The following CLMN variants were observed in gnomAD, a reference collection of about 807,000 sequenced individuals.
CLMN encodes the protein calmin (calponin-like, transmembrane).
A neutral mutation model predicts 92.7 loss-of-function variants in CLMN; 57 were observed. That is an observed-to-expected ratio of 0.61 (90% CI 0.50 to 0.77). The LOEUF is 0.77. Ranked by LOEUF, CLMN falls within the 30% of genes least tolerant of loss-of-function variation. The probability of loss-of-function intolerance (pLI) is 0.00; values close to 1 mark genes in which losing one functional copy is unlikely to be tolerated. For synonymous variants in CLMN, 466 were observed against 470.6 expected, an observed-to-expected ratio of 0.99 and a Z score of 0.13; for missense variants, 1,158 against 1,237.5, an observed-to-expected ratio of 0.94 and a Z score of 0.96.
intron 2 of CLMN, among the ~76,000 whole-genome samples, chr14:95,224,838 G>A (rs1042502074): frequency 1.3e-5 from 2 of 152,138 alleles, no homozygotes; most frequent in Non-Finnish European, 2.9e-5. Context: ...TGAGGTGCCC[G>A]TCATTGCTTC....
At chr14:95,242,172 G>A (rs1898268036) in intron 1 of CLMN, among the ~76,000 whole-genome samples, 1 of 151,396 alleles carries the variant, frequency 6.6e-6, no homozygotes, top group African/African-American at 2.4e-5. Context: ...AAATTGAGGT[G>A]CCTGGGTCCC....
chr14:95,271,813 T>G (rs1899721485), intron 1 of CLMN, among the ~76,000 whole-genome samples: 1 of 152,250 alleles, frequency 6.6e-6, no homozygotes, highest in Non-Finnish European at 1.5e-5. Context: ...CTTTCCAGTC[T>G]GTCTCCACTC....
chr14:95,243,719 A>ATTTTTTTTTTTT (rs35698997), intron 1 of CLMN, among the ~76,000 whole-genome samples: 1 of 139,484 alleles, frequency 7.2e-6, no homozygotes, highest in African/African-American at 2.7e-5. Context: ...AATCTCCTCT[A>ATTTTTTTTTTTT]TTTTTTTTTT....
intron 1 of CLMN, among the ~76,000 whole-genome samples, chr14:95,255,222 T>C (rs534439748): frequency 3.3e-5 from 5 of 152,278 alleles, no homozygotes; most frequent in Non-Finnish European, 1.5e-5. Flanking sequence ...TCCAGCACTA[T>C]AGGAAAATAC....
intron 1 of CLMN, among the ~76,000 whole-genome samples, chr14:95,311,189 T>C (rs1901521099): frequency 6.6e-6 from 1 of 152,076 alleles, no homozygotes; most frequent in Admixed American, 6.5e-5. Flanking sequence ...CACCACCAGA[T>C]TGGCAGGTCA....
At position 95,187,302 on chromosome 14, in the gene CLMN, T is replaced by A. The variant is rs1236241247; in HGVS notation, c.*4262A>T. 2 of 152,240 alleles carry A rather than the reference T, an allele frequency of 1.3e-5. No individual in the cohort carries two copies. The allele number at this position is 152,240 out of a possible 1,614,324, so 9.4% of individuals were successfully genotyped here. A position where few individuals can be genotyped will look rare whatever the true frequency, so the allele number is the denominator to read the frequency against. On this transcript the variant is annotated 3_prime_UTR_variant, in exon 13 of 13. Transcript: ENST00000298912. ...AATAGGAGCAGAGGAATGAAAGTTA[T>A]ATTAATACAACCATGAACACAGAAT...
chr14:95,292,625 C>T (rs143808978), intron 1 of CLMN, among the ~76,000 whole-genome samples: 2 of 152,136 alleles, frequency 1.3e-5, no homozygotes, highest in Admixed American at 6.5e-5. Flanking sequence ...TCACGGGGAC[C>T]GACGGTACCC....
intron 10 of CLMN, among the ~76,000 whole-genome samples, chr14:95,195,534 A>G (rs1463457194): frequency 1.3e-5 from 2 of 152,170 alleles, no homozygotes; most frequent in Non-Finnish European, 2.9e-5. Context: ...CCCTCCCCAA[A>G]TGCATACCTC....
intron 1 of CLMN, among the ~76,000 whole-genome samples, chr14:95,242,020 G>A (rs115901356): frequency 0.021 from 3,178 of 152,100 alleles, 91 homozygotes; most frequent in African/African-American, 0.058. Flanking sequence ...CATTGAGGTC[G>A]AAGTTGGATC....
In CLMN at chr14:95,255,946, T is replaced by G. The variant is rs545862911; in HGVS notation, c.83-25813A>C. Among the ~76,000 whole-genome samples the G allele has an allele frequency of 8.5e-5, 13 of 152,354 alleles. No homozygotes were observed. In the East Asian group the frequency reaches 2.1e-3, roughly 25 times the overall value. On this transcript the variant is annotated intron_variant, in intron 1 of 12. Transcript: ENST00000298912. ...CATGTTATAGCAGAACTGACAGTAC[T>G]AGTATAAGCTCTTTGCCTAAATTAA...
chr14:95,316,490 G>A (rs1477305001), intron 1 of CLMN, among the ~76,000 whole-genome samples: 1 of 152,202 alleles, frequency 6.6e-6, no homozygotes, highest in Non-Finnish European at 1.5e-5. Context: ...TCTTGGGAGG[G>A]GCCATCACTC....
At position 95,299,672 on chromosome 14, in the gene CLMN, A is replaced by G. The variant is rs1011589793; in HGVS notation, c.82+20039T>C. Among the ~76,000 whole-genome samples, 7 of 152,320 alleles carry G rather than the reference A, an allele frequency of 4.6e-5. 1 individual carries two copies. The East Asian group carries it at 1.4e-3, about 29-fold the overall frequency. On this transcript the variant is annotated intron_variant, in intron 1 of 12. Coordinates refer to ENST00000298912, the MANE Select transcript of CLMN (RefSeq NM_024734.4). ...AGAGGCAGAGCCAAGATTCGAGTCC[A>G]GGCTGTGGGCTCTAAGCTGTGTGAT...
In CLMN at chr14:95,259,189, C is replaced by T. The variant is rs1899151918; in HGVS notation, c.83-29056G>A. On this transcript the variant is annotated intron_variant, in intron 1 of 12. Transcript: ENST00000298912. This position sits in a 1 kb window ranked among gnomAD's most constrained non-coding sequence, Gnocchi z 4.3. ...TGGCAGGCTGGAGCGGAGAGCTGTG[C>T]CGGCCAGCAGGGCTAGGAAAGCAGT... is the stretch of plus-strand genomic sequence containing the variant. Among the ~76,000 whole-genome samples, 1 of 151,994 alleles carries T rather than the reference C, an allele frequency of 6.6e-6. No individual in the cohort carries two copies. Among genetic ancestry groups the T allele is most frequent in the African/African-American group, 2.4e-5 (1 of 41,344 alleles).
At chr14:95,272,966 T>C (rs1197872515) in intron 1 of CLMN, among the ~76,000 whole-genome samples, 1 of 152,230 alleles carries the variant, frequency 6.6e-6, no homozygotes, top group African/African-American at 2.4e-5. Context: ...AGCCAGCCGC[T>C]TTCCCTTCCC....
At position 95,189,254 on chromosome 14, in the gene CLMN, A is replaced by G. The variant is rs905157012; in HGVS notation, c.*2310T>C. On this transcript the variant is annotated 3_prime_UTR_variant, in exon 13 of 13. Coordinates refer to ENST00000298912, the MANE Select transcript of CLMN (RefSeq NM_024734.4). ...TTAAAAAATAAAGTGTAAGCACGTT[A>G]TGTAGAAATGCAAACATAAGAGAGT... 1 of 152,274 alleles carries G rather than the reference A, an allele frequency of 6.6e-6. No individual in the cohort carries two copies. Among genetic ancestry groups the G allele is most frequent in the African/African-American group, 2.4e-5 (1 of 41,476 alleles). 9.4% of individuals were successfully genotyped at this position (152,274 alleles called of 1,614,324 possible).
rs1020164129 is a variant in CLMN at position 95,203,504 on chromosome 14, T to C, written c.1845A>G (p.Lys615=). The change falls in exon 9 of 13, where the codon AAA becomes AAG. Residue 615 remains lysine (K), a synonymous_variant. Coordinates refer to ENST00000298912, the MANE Select transcript of CLMN (RefSeq NM_024734.4). ...LGKRSIKSAH[K]KKDSPEPQVK... is the part of the protein sequence containing the mutation. The stretch of plus-strand genomic sequence containing the variant: ...CTTGAGGCTCTGGCGAATCCTTCTT[T>C]TTGTGAGCAGATTTAATACTCCTTT... 6 of 1,614,032 alleles carry C rather than the reference T, an allele frequency of 3.7e-6. No homozygotes were observed. In the Admixed American group the frequency reaches 6.7e-5, roughly 18 times the overall value.
At chr14:95,266,355 T>G (rs1899474790) in intron 1 of CLMN, among the ~76,000 whole-genome samples, 1 of 152,184 alleles carries the variant, frequency 6.6e-6, no homozygotes, top group African/African-American at 2.4e-5. Context: ...TTCAGTAAAG[T>G]TGTAGAATAC....
At chr14:95,199,761 A>G (rs1407513100) in intron 9 of CLMN, among the ~76,000 whole-genome samples, 4 of 151,778 alleles carry the variant, frequency 2.6e-5, no homozygotes, top group Admixed American at 6.6e-5. Context: ...AGGAGGTGCC[A>G]TTTGCATTGA....
At chr14:95,313,420 T>C (rs563538257) in intron 1 of CLMN, among the ~76,000 whole-genome samples, 2 of 152,320 alleles carry the variant, frequency 1.3e-5, no homozygotes, top group East Asian at 1.9e-4. Flanking sequence ...TGCAAATAAA[T>C]GGGTGTGTCT....
Sources: allele counts gnomAD v4.1 joint callset (sites outside exome capture counted in the v4.1 genomes callset), GRCh38; gene constraint gnomAD v4.1.1; non-coding constraint Gnocchi (gnomAD v3.1); transcripts MANE v1.5; gene names NCBI Gene and HGNC (gene_info 2026-07-23, HGNC 2026-07-21).